Variants in BRAF observed in about 807,000 individuals in gnomAD.
The protein encoded by BRAF is serine/threonine-protein kinase B-raf.
A neutral mutation model predicts 104.6 loss-of-function variants in BRAF; 16 were observed. The ratio of observed to expected loss-of-function variants is 0.15; its 90% confidence interval spans 0.10 to 0.23. The LOEUF is 0.23. Among genes scored for constraint, BRAF ranks in the 10% least tolerant of loss-of-function variants. The pLI is 1.00. For synonymous variants in BRAF, 310 were observed against 341.6 expected, an observed-to-expected ratio of 0.91 and a Z score of 1.02; for missense variants, 541 against 937.3, an observed-to-expected ratio of 0.58 and a Z score of 5.52.
intron 14 of BRAF, among the ~76,000 whole-genome samples, chr7:140,767,861 T>C (rs974083442): frequency 6.6e-6 from 1 of 152,156 alleles, no homozygotes; most frequent in Non-Finnish European, 1.5e-5. Flanking sequence ...GAGGAGTAAA[T>C]GAGGTAATGT....
chr7:140,744,117 G>A (rs763284559), intron 17 of BRAF, among the ~76,000 whole-genome samples: 1 of 152,158 alleles, frequency 6.6e-6, no homozygotes, highest in Non-Finnish European at 1.5e-5. Flanking sequence ...TTATCTGGGG[G>A]CCATGGGCCA....
intron 2 of BRAF, among the ~76,000 whole-genome samples, chr7:140,845,566 G>A (rs1808453005): frequency 6.6e-6 from 1 of 152,020 alleles, no homozygotes; most frequent in Non-Finnish European, 1.5e-5. Flanking sequence ...ATATACAAAT[G>A]GCCAATAAGC....
At chr7:140,854,652 C>T (rs578226967) in intron 1 of BRAF, among the ~76,000 whole-genome samples, 69 of 152,042 alleles carry the variant, frequency 4.5e-4, no homozygotes, top group South Asian at 1.5e-3. Context: ...GTATAAAAAA[C>T]GGTTAAGATT....
At chr7:140,752,112 C>A (rs1797841064) in intron 16 of BRAF, among the ~76,000 whole-genome samples, 1 of 152,034 alleles carries the variant, frequency 6.6e-6, no homozygotes, top group Admixed American at 6.6e-5. Flanking sequence ...AAAATAATAA[C>A]AAGTAGATGT....
At chr7:140,917,750 C>T (rs1026813291) in intron 1 of BRAF, among the ~76,000 whole-genome samples, 13 of 152,088 alleles carry the variant, frequency 8.5e-5, no homozygotes, top group African/African-American at 2.9e-4. Context: ...TGAACTGGCC[C>T]ACTATCTGCT....
intron 1 of BRAF, among the ~76,000 whole-genome samples, chr7:140,919,476 G>C (rs1367579260): frequency 6.6e-6 from 1 of 151,364 alleles, no homozygotes; most frequent in African/African-American, 2.4e-5. Context: ...TTTTTTTTAA[G>C]CCCAAGAGAA....
intron 14 of BRAF, among the ~76,000 whole-genome samples, chr7:140,764,634 A>C (rs1426767341): frequency 6.6e-6 from 1 of 152,222 alleles, no homozygotes; most frequent in South Asian, 2.1e-4. Context: ...AAAAACCACA[A>C]GCATTCTTAT....
At chr7:140,804,436 T>A (rs752269666) in intron 5 of BRAF, among the ~76,000 whole-genome samples, 9 of 151,618 alleles carry the variant, frequency 5.9e-5, no homozygotes, top group Non-Finnish European at 1.0e-4. Flanking sequence ...TTTAATTACA[T>A]GATTGTAATT....
intron 17 of BRAF, chr7:140,747,326 A>G: frequency 8.8e-7 from 1 of 1,136,818 alleles, no homozygotes; most frequent in Non-Finnish European, 1.1e-6. Context: ...AGAAGGTTCT[A>G]ACTATACTAT....
intron 13 of BRAF, 21 bp downstream of exon 12, chr7:140,777,970 G>C (rs1453253105): frequency 1.2e-6 from 2 of 1,609,158 alleles, no homozygotes; most frequent in Non-Finnish European, 8.5e-7. Flanking sequence ...CTCTGGAAAA[G>C]AGTAATTCAC....
At position 140,915,995 on chromosome 7, in the gene BRAF, AAC is replaced by A. The variant is rs1491377425; in HGVS notation, c.138+8569_138+8570del. ...CTCTACCAAAACAAACAAACAAACA[AAC>A]AAAAAAAACCCAAGGATTTTTTTTA... On this transcript the variant is annotated intron_variant, in intron 1 of 19. Coordinates refer to ENST00000644969, the MANE Select transcript of BRAF (RefSeq NM_001374258.1). Among the ~76,000 whole-genome samples the A allele has an allele frequency of 4.7e-5, 7 of 147,698 alleles. No individual in the cohort carries two copies. In the South Asian group the frequency reaches 9.0e-4, roughly 19 times the overall value.
intron 5 of BRAF, among the ~76,000 whole-genome samples, chr7:140,804,883 G>C (rs1803503179): frequency 6.6e-6 from 1 of 151,740 alleles, no homozygotes; most frequent in African/African-American, 2.4e-5. Flanking sequence ...ATGACTCACT[G>C]CAAAGTCTGC....
Position 140,725,867 on chromosome 7 carries a change from C to CGAA in BRAF, c.*626_*627insTTC. 1 of 1,062,782 alleles carries CGAA rather than the reference C, an allele frequency of 9.4e-7. No homozygotes were observed. The highest frequency in any genetic ancestry group is 1.1e-6 in the Non-Finnish European group (1 of 877,772). The allele number at this position is 1,062,782 out of a possible 1,614,324, so 65.8% of individuals were successfully genotyped here. A position where few individuals can be genotyped will look rare whatever the true frequency, so the allele number is the denominator to read the frequency against. ...GGAAGAAGATGCAGCATGCCCTTTTCCTCCATACCAAGACACATCTACTCA... is the reference window on the plus strand; with the variant it reads ...GGAAGAAGATGCAGCATGCCCTTTTCGAACTCCATACCAAGACACATCTACTCA... On this transcript the variant is annotated 3_prime_UTR_variant, in exon 20 of 20. Coordinates refer to ENST00000644969, the MANE Select transcript of BRAF (RefSeq NM_001374258.1).
intron 3 of BRAF, among the ~76,000 whole-genome samples, chr7:140,815,432 A>ATTTTTTT (rs11445161): frequency 8.9e-6 from 1 of 111,882 alleles, no homozygotes; most frequent in Admixed American, 9.0e-5. Flanking sequence ...GGTGTGAGCC[A>ATTTTTTT]TTTTTTTTTT....
intron 17 of BRAF, among the ~76,000 whole-genome samples, chr7:140,746,552 C>T (rs1797363312): frequency 6.6e-6 from 1 of 152,038 alleles, no homozygotes; most frequent in Non-Finnish European, 1.5e-5. Context: ...GAAAAAAGGC[C>T]AGGTGCAGTG....
At chr7:140,911,548 A>G (rs1816980964) in intron 1 of BRAF, among the ~76,000 whole-genome samples, 1 of 152,226 alleles carries the variant, frequency 6.6e-6, no homozygotes, top group African/African-American at 2.4e-5. Context: ...AGAGGTTAAG[A>G]AAAGCTTCCT....
intron 3 of BRAF, among the ~76,000 whole-genome samples, chr7:140,827,185 T>C (rs1161126025): frequency 6.6e-6 from 1 of 152,220 alleles, no homozygotes; most frequent in African/African-American, 2.4e-5. Context: ...GGTTCTTTCT[T>C]AGGAGTCTAA....
chr7:140,896,838 T>TGG (rs1356319132), intron 1 of BRAF, among the ~76,000 whole-genome samples: 2 of 112,208 alleles, frequency 1.8e-5, no homozygotes, highest in Non-Finnish European at 3.3e-5. Context: ...TGCTCCAGCC[T>TGG]GGGTGACAGA....
intron 1 of BRAF, among the ~76,000 whole-genome samples, chr7:140,920,977 T>C (rs1404126891): frequency 6.6e-6 from 1 of 152,228 alleles, no homozygotes; most frequent in Non-Finnish European, 1.5e-5. Flanking sequence ...CTTGCAAAGA[T>C]GTATTTTAAT....
Sources: allele counts gnomAD v4.1 joint callset (sites outside exome capture counted in the v4.1 genomes callset), GRCh38; gene constraint gnomAD v4.1.1; transcripts MANE v1.5; gene names NCBI Gene and HGNC (gene_info 2026-07-23, HGNC 2026-07-21).